Variants in STK3 observed in about 807,000 individuals in gnomAD.
STK3 encodes the protein serine/threonine-protein kinase 3.
A neutral mutation model predicts 58.0 loss-of-function variants in STK3; 41 were observed. The observed-to-expected ratio is 0.71, with a 90% CI of 0.55 to 0.92. STK3 has a LOEUF of 0.92. Ranked by LOEUF, STK3 falls within the 40% of genes least tolerant of loss-of-function variation. The pLI is 0.00. For missense variants in STK3, 479 were observed against 602.7 expected, an observed-to-expected ratio of 0.79 and a Z score of 2.15; for synonymous variants, 170 against 191.0, an observed-to-expected ratio of 0.89 and a Z score of 0.91.
rs1487971493 is a variant in STK3 at position 98,509,951 on chromosome 8, G to A, written c.1317+16791C>T. Among the ~76,000 whole-genome samples the A allele has an allele frequency of 1.1e-4, 17 of 151,792 alleles. No individual in the cohort carries two copies. In the East Asian group the frequency reaches 2.9e-3, roughly 26 times the overall value. ...ATCACTTCTTTTTAAATAAAAACAA[G>A]TTCTCTATTTTGAAATTTTGTAGGA... On this transcript the variant is annotated intron_variant, in intron 10 of 10. Coordinates refer to ENST00000419617, the MANE Select transcript of STK3 (RefSeq NM_006281.4).
chr8:98,581,127 T>C (rs565202197), intron 7 of STK3, among the ~76,000 whole-genome samples: 2 of 152,306 alleles, frequency 1.3e-5, no homozygotes, highest in African/African-American at 4.8e-5. Flanking sequence ...CAGGTGGTTA[T>C]ATGCGACTAA....
intron 10 of STK3, among the ~76,000 whole-genome samples, chr8:98,460,510 T>C (rs1026369300): frequency 2.0e-5 from 3 of 152,192 alleles, no homozygotes; most frequent in African/African-American, 7.2e-5. Context: ...GATTGTATTT[T>C]GAAACGTAAG....
At chr8:98,480,093 C>T (rs573565790) in intron 10 of STK3, among the ~76,000 whole-genome samples, 8 of 152,130 alleles carry the variant, frequency 5.3e-5, no homozygotes, top group Non-Finnish European at 1.0e-4. Context: ...CCTCTGAAGT[C>T]CCAGAAGGTG....
chr8:98,931,247 C>T (rs1839993453), intron 1 of STK3, among the ~76,000 whole-genome samples: 1 of 152,166 alleles, frequency 6.6e-6, no homozygotes, highest in Non-Finnish European at 1.5e-5. Flanking sequence ...GGAAACTTCC[C>T]CTTAATCTGG....
At chr8:98,730,893 G>A (rs1325086795) in intron 4 of STK3, among the ~76,000 whole-genome samples, 1 of 151,998 alleles carries the variant, frequency 6.6e-6, no homozygotes, top group Non-Finnish European at 1.5e-5. Flanking sequence ...AGGGACTAAC[G>A]CTGATCGACA....
intron 1 of STK3, among the ~76,000 whole-genome samples, chr8:98,907,754 G>A (rs999380676): frequency 6.6e-6 from 1 of 152,198 alleles, no homozygotes. Flanking sequence ...TAAACATGTA[G>A]CAAGTGTTCA....
At chr8:98,353,397 G>A in the STK3 span, among the ~76,000 whole-genome samples, 3 of 152,132 alleles carry the variant, frequency 2.0e-5, no homozygotes, top group Non-Finnish European at 2.9e-5. Context: ...AGGCTGAGGC[G>A]GGAGGATCAC....
intron 1 of STK3, among the ~76,000 whole-genome samples, chr8:98,908,843 C>CAAAA (rs1187304586): frequency 3.3e-5 from 2 of 60,438 alleles, no homozygotes; most frequent in Non-Finnish European, 6.8e-5. Flanking sequence ...GACTTCTTCT[C>CAAAA]AAAAAAAAAA....
At chr8:98,497,763 A>C (rs183792467) in intron 10 of STK3, among the ~76,000 whole-genome samples, 13 of 152,342 alleles carry the variant, frequency 8.5e-5, no homozygotes, top group South Asian at 6.2e-4. Context: ...CATACTCACT[A>C]GGATGACTAT....
chr8:98,434,995 C>G (rs910708114), intron 2 of STK3, among the ~76,000 whole-genome samples: 1 of 152,206 alleles, frequency 6.6e-6, no homozygotes, highest in East Asian at 1.9e-4. Context: ...CTGGGGGCAA[C>G]GATCACTGGG....
At chr8:98,825,384 C>A in intron 1 of STK3, 131 bp downstream of exon 1, 1 of 810,052 alleles carries the variant, frequency 1.2e-6, no homozygotes, top group East Asian at 4.3e-5. Flanking sequence ...GGACCCGCCT[C>A]CCGACCTCAG....
At chr8:98,938,771 G>A (rs138353279) in intron 1 of STK3, among the ~76,000 whole-genome samples, 56 of 152,300 alleles carry the variant, frequency 3.7e-4, no homozygotes, top group African/African-American at 1.3e-3. Flanking sequence ...CAAGGTGTGG[G>A]CAATGTGTGT....
intron 4 of STK3, among the ~76,000 whole-genome samples, chr8:98,725,063 C>T (rs920633372): frequency 1.3e-5 from 2 of 152,138 alleles, no homozygotes; most frequent in African/African-American, 4.8e-5. Flanking sequence ...CAAAAGTTCC[C>T]TGCAGCTTTG....
chr8:98,888,889 C>G (rs1295402931), intron 1 of STK3, among the ~76,000 whole-genome samples: 1 of 152,202 alleles, frequency 6.6e-6, no homozygotes, highest in Non-Finnish European at 1.5e-5. Context: ...AACAGCTAAA[C>G]TTGAGCCAGG....
intron 3 of STK3, among the ~76,000 whole-genome samples, chr8:98,401,886 G>A (rs754650569): frequency 1.1e-4 from 17 of 152,026 alleles, no homozygotes; most frequent in Non-Finnish European, 2.2e-4. Flanking sequence ...AGCTAATTGA[G>A]GTTACAGACG....
chr8:98,749,677 A>G lies in STK3; in HGVS notation c.237-287T>C, dbSNP rs151111035. Among the ~76,000 whole-genome samples, 307 of 152,202 alleles carry G rather than the reference A, an allele frequency of 2.0e-3. 2 individuals are homozygous for G. Among genetic ancestry groups the G allele is most frequent in the African/African-American group, 7.2e-3 (299 of 41,576 alleles). The stretch of plus-strand genomic sequence containing the variant: ...TTTGGCAAAGAACTTACTACTTAAC[A>G]TGAGGAACAAATGAAAATTTTTCCC... On this transcript the variant is annotated intron_variant, in intron 3 of 10. Coordinates refer to ENST00000419617, the MANE Select transcript of STK3 (RefSeq NM_006281.4).
At chr8:98,886,064 G>A (rs77696956) in intron 1 of STK3, among the ~76,000 whole-genome samples, 3 of 152,208 alleles carry the variant, frequency 2.0e-5, no homozygotes, top group African/African-American at 7.2e-5. Flanking sequence ...AGAAGAGGGC[G>A]AAAGGCATGA....
intron 10 of STK3, among the ~76,000 whole-genome samples, chr8:98,491,431 T>A (rs905389605): frequency 1.5e-5 from 2 of 137,788 alleles, no homozygotes; most frequent in Admixed American, 1.4e-4. Context: ...ACCTAGGAAA[T>A]TTTTTTTTTT....
intron 1 of STK3, chr8:98,905,439 G>A: frequency 7.7e-7 from 1 of 1,303,334 alleles, no homozygotes; most frequent in East Asian, 2.3e-5. Context: ...GTGTAACTTG[G>A]TTGACGCTTT....
Sources: allele counts gnomAD v4.1 joint callset (sites outside exome capture counted in the v4.1 genomes callset), GRCh38; gene constraint gnomAD v4.1.1; transcripts MANE v1.5; gene names NCBI Gene and HGNC (gene_info 2026-07-23, HGNC 2026-07-21).